HAL: variants seen among roughly 807,000 people sequenced by gnomAD.
HAL encodes histidase.
Under a neutral mutation model 81.1 loss-of-function variants are expected in HAL, and 85 were observed. The observed-to-expected ratio is 1.05, with a 90% CI of 0.88 to 1.25. The LOEUF is 1.25. Among genes scored for constraint, HAL ranks in the 50% most tolerant of loss-of-function variants. HAL has a pLI of 0.00. For missense variants in HAL, 798 were observed against 836.6 expected (o/e 0.95, Z 0.57); for synonymous variants, 301 against 309.2 (o/e 0.97, Z 0.28).
At chr12:95,993,213 G>C (rs2241137) in intron 8 of HAL, among the ~76,000 whole-genome samples, 17,876 of 152,082 alleles carry the variant, frequency 0.12, 1,298 homozygotes, top group East Asian at 0.33. Context: ...GAATGCAACA[G>C]TGTCTCCATG....
intron 15 of HAL, among the ~76,000 whole-genome samples, chr12:95,982,245 A>G (rs961232072): frequency 6.6e-6 from 1 of 152,254 alleles, no homozygotes; most frequent in Non-Finnish European, 1.5e-5. Flanking sequence ...TTCAGGTAAC[A>G]GCAGTATTGC....
chr12:95,994,042 C>T (rs550342202), intron 5 of HAL, 44 bp from the exon 6 acceptor site: 56 of 1,595,026 alleles, frequency 3.5e-5, no homozygotes, highest in Non-Finnish European at 4.2e-5. Context: ...AAGACTTCCA[C>T]GGGCAACAAA....
At chr12:95,976,067 G>A (rs2080714970) in intron 20 of HAL, 1 of 363,494 alleles carries the variant, frequency 2.8e-6, no homozygotes, top group Non-Finnish European at 5.3e-6. Flanking sequence ...AGTGGTGGTA[G>A]TTGTGATAGC....
intron 11 of HAL, 98 bp from the exon 12 acceptor site, chr12:95,987,312 G>C (rs1378646672): frequency 1.0e-6 from 1 of 982,912 alleles, no homozygotes; most frequent in Non-Finnish European, 1.6e-6. Flanking sequence ...AGAAAAATTA[G>C]CCAGTCATAA....
intron 12 of HAL, 84 bp from the exon 13 acceptor site, chr12:95,986,244 G>C (rs572967399): frequency 2.3e-6 from 2 of 851,894 alleles, no homozygotes; most frequent in Admixed American, 1.9e-5. Flanking sequence ...CGTTCCCCAG[G>C]CTGGTTTCAA....
At chr12:95,977,754 C>T (rs1167877285) in intron 18 of HAL, among the ~76,000 whole-genome samples, 190 bp downstream of exon 18, 2 of 151,842 alleles carry the variant, frequency 1.3e-5, no homozygotes, top group African/African-American at 4.8e-5. Flanking sequence ...CTGGAGGGTT[C>T]GTTAAACACA....
Position 95,995,927 on chromosome 12 carries a change from G to A in HAL, c.-17C>T. On this transcript the variant is annotated 5_prime_UTR_variant, in exon 2 of 21. Transcript: ENST00000261208. ...TCTGGGCATGGCTCCGCTGCAGCCT[G>A]AGGTCCTCAGCTGGTCACAGGAGGG... The A allele has an allele frequency of 6.2e-7, 1 of 1,601,160 alleles. No homozygotes were observed. Among genetic ancestry groups the A allele is most frequent in the South Asian group, 1.1e-5 (1 of 90,920 alleles).
At position 95,976,455 on chromosome 12, in the gene HAL, C is replaced by T; in HGVS notation, c.1807G>A (p.Ala603Thr). Residue 603 changes from alanine to threonine, a missense_variant, in exon 20 of 21, where the codon GCC becomes ACC. Ala to Thr is a moderately conservative substitution (Grantham distance 58). Coordinates refer to ENST00000261208, the MANE Select transcript of HAL (RefSeq NM_002108.4). ...DRFMAPDIEA[A>T]HRLLLEQKVW... ...TTCTGCTCCAGGAGCAGCCTGTGGG[C>T]TGCCTCGATGTCCGGGGCCATGAAG... The T allele has an allele frequency of 6.2e-7, 1 of 1,614,002 alleles. No individual in the cohort carries two copies. The highest frequency in any genetic ancestry group is 8.5e-7 in the Non-Finnish European group (1 of 1,179,828).
Position 95,985,897 on chromosome 12 carries a change from C to A in HAL, c.1206+11G>T, listed in dbSNP as rs750769984. ...ATTTTTTATTGACCTTTTTTTTTTT[C>A]TTTATTTTACCTGTGGACAGCAGCG... On this transcript the variant is annotated intron_variant, in intron 14 of 20. Transcript: ENST00000261208. 6.9e-6 allele frequency: 10 copies of A among 1,446,076 alleles called. No individual in the cohort carries two copies. The highest frequency in any genetic ancestry group is 2.7e-5 in the South Asian group (2 of 75,044). 89.6% of individuals were successfully genotyped at this position (1,446,076 alleles called of 1,614,324 possible). A position where few individuals can be genotyped will look rare whatever the true frequency, so the allele number is the denominator to read the frequency against.
intron 7 of HAL, 28 bp downstream of exon 7, chr12:95,993,744 C>T (rs199870262): frequency 4.5e-5 from 56 of 1,242,492 alleles, no homozygotes; most frequent in South Asian, 2.0e-4. Flanking sequence ...GTAGGTGGAA[C>T]GTGAACATAT....
chr12:95,995,112 C>T (rs543807004), intron 2 of HAL, 119 bp from the exon 3 acceptor site: 1 of 798,954 alleles, frequency 1.3e-6, no homozygotes, highest in Admixed American at 1.9e-5. Context: ...TGCTTTAAAA[C>T]TGCTTCAGAT....
chr12:95,983,845 T>C (rs1413977545), intron 15 of HAL, 66 bp downstream of exon 15: 1 of 853,446 alleles, frequency 1.2e-6, no homozygotes, highest in Non-Finnish European at 2.0e-6. Flanking sequence ...AATGATTGTT[T>C]CAGTAGATCC....
chr12:95,993,484 G>C lies in HAL; in HGVS notation c.556C>G (p.Leu186Val), dbSNP rs1000757570. 2.5e-6 allele frequency: 4 copies of C among 1,599,200 alleles called. No homozygotes were observed. In the African/African-American group the frequency reaches 5.4e-5, roughly 21 times the overall value. The change falls in exon 8 of 21, where the codon CTT becomes GTT. Residue 186 changes from leucine to valine, a missense_variant. Physicochemically the swap from Leu to Val is conservative, Grantham distance 32. Transcript: ENST00000261208. Reference sequence around the variant, plus strand: ...TGTGAGCGTACTAAGTTGACCTGAAGCTCCCTGCAACAGAAAGGTAAAAAC... The same window carrying C: ...TGTGAGCGTACTAAGTTGACCTGAACCTCCCTGCAACAGAAAGGTAAAAAC... ...TVIPINKLQELQVNLVRSHSS... is the reference protein window; with the variant it reads ...TVIPINKLQEVQVNLVRSHSS...
chr12:95,988,173 T>A lies in HAL; in HGVS notation c.903+20A>T. ...TAAAAACTCATGCACTATGAACATA[T>A]TTTTCTTGAGTTTCCTTACCTCTTT... is the stretch of plus-strand genomic sequence containing the variant. On this transcript the variant is annotated intron_variant, in intron 11 of 20. Coordinates refer to ENST00000261208, the MANE Select transcript of HAL (RefSeq NM_002108.4). 1 of 1,259,010 alleles carries A rather than the reference T, an allele frequency of 7.9e-7. No homozygotes were observed. Among genetic ancestry groups the A allele is most frequent in the Non-Finnish European group, 1.2e-6 (1 of 856,054 alleles). The allele number at this position is 1,259,010 out of a possible 1,614,324, so 78.0% of individuals were successfully genotyped here. A position where few individuals can be genotyped will look rare whatever the true frequency, so the allele number is the denominator to read the frequency against.
Position 95,983,977 on chromosome 12 carries a change from C to T in HAL, c.1221G>A (p.Val407=), listed in dbSNP as rs749129190. 1.3e-6 allele frequency: 2 copies of T among 1,562,800 alleles called. No homozygotes were observed. The highest frequency in any genetic ancestry group is 4.5e-5 in the East Asian group (2 of 44,600). The change falls in exon 15 of 21, where the codon GTG becomes GTA. Residue 407 remains valine (V), a synonymous_variant. Coordinates refer to ENST00000261208, the MANE Select transcript of HAL (RefSeq NM_002108.4). ...TCTTCACAAATGCTATTGTATCATT[C>T]ACCACACCATGGACCTAAAATACAA... ...LRCCPQVHGV[V]NDTIAFVKNI... is the part of the protein sequence containing the mutation.
At chr12:95,988,023 G>A (rs1156989150) in intron 11 of HAL, among the ~76,000 whole-genome samples, 170 bp downstream of exon 11, 1 of 152,158 alleles carries the variant, frequency 6.6e-6, no homozygotes, top group Non-Finnish European at 1.5e-5. Context: ...CACCATGCCT[G>A]GCATAAAGAA....
chr12:95,982,369 A>C (rs1284095078), intron 15 of HAL, among the ~76,000 whole-genome samples: 3 of 152,246 alleles, frequency 2.0e-5, no homozygotes, highest in African/African-American at 7.2e-5. Flanking sequence ...TGGTAGCAGA[A>C]GAATTTAGTG....
chr12:95,995,633 C>T (rs1264430362), intron 2 of HAL, 31 bp downstream of exon 2: 1 of 1,611,438 alleles, frequency 6.2e-7, no homozygotes, highest in Non-Finnish European at 8.5e-7. Flanking sequence ...CAAACCGCAC[C>T]CGTTCGCGGC....
rs756549606 is a variant in HAL at position 95,995,664 on chromosome 12, C to T, written c.247G>A (p.Val83Ile). The T allele has an allele frequency of 3.7e-6, 6 of 1,613,202 alleles. No homozygotes were observed. The East Asian group carries it at 1.1e-4, about 30-fold the overall frequency. ...ALENNEFVEV[V>I]IEGDAMSPDF... ...GCGGCCCTCTCCTGCAGCCACTCAC[C>T]CACTTCCACGAACTCGTTGTTCTCT... The change falls in exon 2 of 21, where the codon GTT (valine) becomes ATT (isoleucine). Residue 83 changes from valine (V) to isoleucine (I), a missense_variant and splice_region_variant. By Grantham distance (29) the Val-to-Ile change is conservative. Transcript: ENST00000261208.
Sources: allele counts gnomAD v4.1 joint callset (sites outside exome capture counted in the v4.1 genomes callset), GRCh38; gene constraint gnomAD v4.1.1; transcripts MANE v1.5; gene names NCBI Gene and HGNC (gene_info 2026-07-23, HGNC 2026-07-21).